The following CNNM3 variants were observed in gnomAD, a reference collection of about 807,000 sequenced individuals.
CNNM3 encodes cyclin and CBS domain divalent metal cation transport mediator 3, also known as metal transporter CNNM3.
A neutral mutation model predicts 57.1 loss-of-function variants in CNNM3; 47 were observed. That is an observed-to-expected ratio of 0.82 (90% CI 0.65 to 1.05). The LOEUF (loss-of-function observed/expected upper bound fraction) is 1.05, where lower values mean the gene tolerates loss of function less well. Among genes scored for constraint, CNNM3 ranks in the 50% least tolerant of loss-of-function variants. The pLI is 0.00. For missense variants in CNNM3, 957 were observed against 973.7 expected, an observed-to-expected ratio of 0.98 and a Z score of 0.23; for synonymous variants, 507 against 478.2, an observed-to-expected ratio of 1.06 and a Z score of -0.79.
rs779932700 is a variant in CNNM3, at chr2:96,816,527, G to C, written c.250G>C (p.Ala84Pro). The change falls in exon 1 of 8, where the codon GCG becomes CCG. Residue 84 changes from alanine to proline, a missense_variant. Ala to Pro is a conservative substitution (Grantham distance 27). Coordinates refer to ENST00000305510, the MANE Select transcript of CNNM3 (RefSeq NM_017623.5). ...TTGGTCCTGGGTGGCCCCGGAGGGG[G>C]CGGGCTGCCGGGAGGAGGCGGCCTC... is the stretch of plus-strand genomic sequence containing the variant. The part of the protein sequence containing the change: ...SSWSWVAPEG[A>P]GCREEAASPA... 1.5e-6 allele frequency: 2 copies of C among 1,369,008 alleles called. No homozygotes were observed. The highest frequency in any genetic ancestry group is 7.1e-5 in the Admixed American group (2 of 28,270). The allele number at this position is 1,369,008 out of a possible 1,614,324, so 84.8% of individuals were successfully genotyped here.
In CNNM3 at chr2:96,833,212, G is replaced by T. The variant is rs1251314241; in HGVS notation, c.*596G>T. On this transcript the variant is annotated 3_prime_UTR_variant, in exon 8 of 8. Transcript: ENST00000305510. ...CAAACCAGAAGCTCCACTGCCCGTA[G>T]GCTGTCCCTGTAGCCCTGCTCCCTC... 2.9e-5 allele frequency: 11 copies of T among 375,244 alleles called. No homozygotes were observed. Among genetic ancestry groups the T allele is most frequent in the Non-Finnish European group, 5.2e-5 (10 of 192,586 alleles). 23.2% of individuals were successfully genotyped at this position (375,244 alleles called of 1,614,324 possible).
downstream of CNNM3, among the ~76,000 whole-genome samples, chr2:96,836,243 T>C (rs1047306207): frequency 2.7e-4 from 40 of 150,094 alleles, no homozygotes; most frequent in Admixed American, 4.7e-4. Flanking sequence ...CAGCTAATTT[T>C]TTTTTTTTTT....
chr2:96,822,775 G>C (rs2079429462), intron 1 of CNNM3, among the ~76,000 whole-genome samples: 1 of 152,228 alleles, frequency 6.6e-6, no homozygotes, highest in African/African-American at 2.4e-5. Context: ...AGGTGCTTTA[G>C]AAAACAGAAG....
At chr2:96,836,699 A>G (rs1422305526), downstream of CNNM3, 1 of 152,160 alleles carries the variant, frequency 6.6e-6, no homozygotes, top group African/African-American at 2.4e-5. Context: ...CCCTCTTAAC[A>G]GGGTTTTATA....
At chr2:96,828,802 C>T (rs1231548203) in intron 6 of CNNM3, 102 bp downstream of exon 6, 1 of 1,522,212 alleles carries the variant, frequency 6.6e-7, no homozygotes, top group African/African-American at 1.4e-5. Context: ...GCCTTCCACT[C>T]ATCCTGAGGG....
At chr2:96,829,296 A>ATT (rs1254927530) in intron 7 of CNNM3, 162 bp downstream of exon 7, 305 of 685,974 alleles carry the variant, frequency 4.4e-4, no homozygotes, top group South Asian at 5.3e-4. Flanking sequence ...TATATAAATA[A>ATT]TTTTTTTTTT....
intron 1 of CNNM3, chr2:96,824,536 A>G: frequency 6.3e-6 from 1 of 158,066 alleles, no homozygotes; most frequent in Non-Finnish European, 1.4e-5. Flanking sequence ...TTTATGTAGG[A>G]TGGACAGCAT....
intron 7 of CNNM3, among the ~76,000 whole-genome samples, chr2:96,831,491 G>T (rs2079601553): frequency 6.6e-6 from 1 of 152,202 alleles, no homozygotes; most frequent in Non-Finnish European, 1.5e-5. Flanking sequence ...TGGTGCAAGG[G>T]CCACATCTGG....
In CNNM3 at chr2:96,828,592, C is replaced by T. The variant is rs750859050; in HGVS notation, c.1812C>T (p.Leu604=). ...TTCACCAGTCCCCGGTGTCCTCGCT[C>T]CAGCCCATCCGCCATGACCTGCAGC... The part of the protein sequence containing the change: ...SSVHQSPVSS[L]QPIRHDLQPD... Residue 604 remains leucine, a synonymous_variant, in exon 6 of 8, where the codon CTC becomes CTT. Coordinates refer to ENST00000305510, the MANE Select transcript of CNNM3 (RefSeq NM_017623.5). The T allele has an allele frequency of 3.3e-5, 53 of 1,614,110 alleles. No homozygotes were observed. The Admixed American group carries it at 6.7e-4, about 20-fold the overall frequency.
rs1280696580 is a variant in CNNM3, at chr2:96,833,239, C to G, written c.*623C>G. On this transcript the variant is annotated 3_prime_UTR_variant, in exon 8 of 8. Transcript: ENST00000305510. ...CTGTCCCTGTAGCCCTGCTCCCTCC[C>G]TGGAGGCTGCTCTTCTGATTCTGAG... is the stretch of plus-strand genomic sequence containing the variant. 8 of 348,038 alleles carry G rather than the reference C, an allele frequency of 2.3e-5. No homozygotes were observed. The Admixed American group carries it at 3.1e-4, about 14-fold the overall frequency. 21.6% of individuals were successfully genotyped at this position (348,038 alleles called of 1,614,324 possible).
In CNNM3 at chr2:96,828,661, C is replaced by T; in HGVS notation, c.1881C>T (p.Asp627=). The change falls in exon 6 of 8, where the codon GAC becomes GAT. Residue 627 remains aspartate, a synonymous_variant. Coordinates refer to ENST00000305510, the MANE Select transcript of CNNM3 (RefSeq NM_017623.5). Reference sequence around the variant, plus strand: ...CGCATTCATCTGCGTATTGTCCCGACTACACCGTGAGGGCGCTCTCTGATC... The same window carrying T: ...CGCATTCATCTGCGTATTGTCCCGATTACACCGTGAGGGCGCTCTCTGATC... ...DGTHSSAYCP[D]YTVRALSDLQ... The T allele has an allele frequency of 6.2e-7, 1 of 1,614,196 alleles. No individual in the cohort carries two copies. Among genetic ancestry groups the T allele is most frequent in the Non-Finnish European group, 8.5e-7 (1 of 1,180,050 alleles).
chr2:96,817,363 G>A lies in CNNM3; in HGVS notation c.1086G>A (p.Met362Ile), dbSNP rs2079339697. 1 of 1,614,062 alleles carries A rather than the reference G, an allele frequency of 6.2e-7. No homozygotes were observed. Among genetic ancestry groups the A allele is most frequent in the African/African-American group, 1.3e-5 (1 of 74,948 alleles). Residue 362 changes from methionine (M) to isoleucine (I), a missense_variant, in exon 1 of 8, where the codon ATG (methionine) becomes ATA (isoleucine). Met to Ile is a conservative substitution (Grantham distance 10). Coordinates refer to ENST00000305510, the MANE Select transcript of CNNM3 (RefSeq NM_017623.5). The stretch of plus-strand genomic sequence containing the variant: ...AGGAGCGCTCCAACATCGTGGACAT[G>A]CTCTACCTCAAGGACTTGGCCTTCG... ...YEEERSNIVD[M>I]LYLKDLAFVD...
intron 1 of CNNM3, among the ~76,000 whole-genome samples, chr2:96,818,377 C>G (rs2079356891): frequency 6.7e-6 from 1 of 149,936 alleles, no homozygotes; most frequent in Non-Finnish European, 1.5e-5. Context: ...GCCACTGTGC[C>G]CGGCCCTTTT....
chr2:96,828,124 A>G lies in CNNM3; in HGVS notation c.1715A>G (p.Lys572Arg), dbSNP rs1288996763. The change falls in exon 5 of 8, where the codon AAA (lysine) becomes AGA (arginine). Residue 572 changes from lysine (K) to arginine (R), a missense_variant. Transcript: ENST00000305510. ...GGCAGGGTTGAAGTGGAGATCGGGA[A>G]AGAGGGTCTGAAGTTTGAGAATGGG... ...LQGRVEVEIGKEGLKFENGAF... is the reference protein window; with the variant it reads ...LQGRVEVEIGREGLKFENGAF... The G allele has an allele frequency of 6.2e-7, 1 of 1,613,958 alleles. No homozygotes were observed. Among genetic ancestry groups the G allele is most frequent in the East Asian group, 2.2e-5 (1 of 44,866 alleles).
chr2:96,823,097 C>T (rs1172317996), intron 1 of CNNM3, among the ~76,000 whole-genome samples: 1 of 152,210 alleles, frequency 6.6e-6, no homozygotes, highest in African/African-American at 2.4e-5. Context: ...ATCTAGACCC[C>T]TCAGACATTC....
rs2079340902 is a variant in CNNM3 at position 96,817,415 on chromosome 2, A to G, written c.1138A>G (p.Ser380Gly). The change falls in exon 1 of 8, where the codon AGC becomes GGC. Residue 380 changes from serine (S) to glycine (G), a missense_variant. Around this residue, in one of 2 missense-constraint regions of CNNM3, gnomAD observed 491 missense variants for 570.6 expected, o/e 0.86. Coordinates refer to ENST00000305510, the MANE Select transcript of CNNM3 (RefSeq NM_017623.5). ...GGATCCCGAAGACTGCACGCCGCTCAGCACCATCACTCGTTTCTACAACCA... is the reference window on the plus strand; with the variant it reads ...GGATCCCGAAGACTGCACGCCGCTCGGCACCATCACTCGTTTCTACAACCA... Reference protein sequence around the residue: ...FVDPEDCTPLSTITRFYNHPL... With the variant: ...FVDPEDCTPLGTITRFYNHPL... 1.2e-6 allele frequency: 2 copies of G among 1,614,018 alleles called. No individual in the cohort carries two copies. The highest frequency in any genetic ancestry group is 2.2e-5 in the South Asian group (2 of 91,094).
intron 3 of CNNM3, among the ~76,000 whole-genome samples, chr2:96,827,508 T>C (rs1334867311): frequency 6.6e-6 from 1 of 152,110 alleles, no homozygotes; most frequent in African/African-American, 2.4e-5. Context: ...CTGCAGGTGA[T>C]CCACCTGCCT....
At chr2:96,831,696 TA>T (rs1430599823) in intron 7 of CNNM3, among the ~76,000 whole-genome samples, 2 of 152,198 alleles carry the variant, frequency 1.3e-5, no homozygotes, top group Non-Finnish European at 1.5e-5. Context: ...AAATCCTGGG[TA>T]GGTCCTCCAC....
intron 1 of CNNM3, among the ~76,000 whole-genome samples, chr2:96,818,297 C>A (rs574989420): frequency 6.6e-6 from 1 of 151,530 alleles, no homozygotes; most frequent in East Asian, 1.9e-4. Flanking sequence ...GTTGACCAAG[C>A]TGGTCTTGAA....
Sources: allele counts gnomAD v4.1 joint callset (sites outside exome capture counted in the v4.1 genomes callset), GRCh38; gene constraint gnomAD v4.1.1; regional missense constraint gnomAD v4.1.1; transcripts MANE v1.5; gene names NCBI Gene and HGNC (gene_info 2026-07-23, HGNC 2026-07-21).